RYR3: variants seen among roughly 807,000 people sequenced by gnomAD.
RYR3 encodes the protein brain ryanodine receptor-calcium release channel.
RYR3 carries 207 observed loss-of-function variants against 584.3 expected under a neutral mutation model. That is an observed-to-expected ratio of 0.35 (90% CI 0.32 to 0.40). The LOEUF (loss-of-function observed/expected upper bound fraction) is 0.40, where lower values mean the gene tolerates loss of function less well. RYR3 is among the 10% of genes least tolerant of loss of function. The pLI is 1.00. For synonymous variants in RYR3, 2,416 were observed against 2,248.5 expected (o/e 1.07, Z -2.11); for missense variants, 5,616 against 6,089.2 (o/e 0.92, Z 2.59).
intron 1 of RYR3, among the ~76,000 whole-genome samples, chr15:33,322,325 C>G (rs147469032): frequency 6.6e-6 from 1 of 152,098 alleles, no homozygotes; most frequent in African/African-American, 2.4e-5. Flanking sequence ...AAAGCAAGAG[C>G]GAGCATGTCA....
intron 1 of RYR3, among the ~76,000 whole-genome samples, chr15:33,400,848 T>C (rs892264722): frequency 2.0e-5 from 3 of 152,194 alleles, no homozygotes; most frequent in Non-Finnish European, 2.9e-5. Context: ...TGAACCTTCT[T>C]TTATAAGTAT....
In RYR3 at chr15:33,865,752, G is replaced by C. The variant is rs377677287; in HGVS notation, c.*526G>C. On this transcript the variant is annotated 3_prime_UTR_variant, in exon 104 of 104. Transcript: ENST00000634891. ...AACAGAAAAAAACCGACACTTTGTC[G>C]ACACTGAAATATCGATTAAGTGCCT... 6.5e-6 allele frequency: 1 copy of C among 153,444 alleles called. No individual in the cohort carries two copies. Among genetic ancestry groups the C allele is most frequent in the Admixed American group, 6.5e-5 (1 of 15,440 alleles). 9.5% of individuals were successfully genotyped at this position (153,444 alleles called of 1,614,324 possible). A position where few individuals can be genotyped will look rare whatever the true frequency, so the allele number is the denominator to read the frequency against.
At chr15:33,646,074 C>T (rs1221358153) in intron 28 of RYR3, among the ~76,000 whole-genome samples, 1 of 152,168 alleles carries the variant, frequency 6.6e-6, no homozygotes, top group Non-Finnish European at 1.5e-5. Context: ...TCCCAGATGC[C>T]ACCCCCCTCT....
chr15:33,795,594 G>A (rs1214047368), intron 67 of RYR3, among the ~76,000 whole-genome samples: 9 of 151,794 alleles, frequency 5.9e-5, no homozygotes, highest in African/African-American at 1.9e-4. Flanking sequence ...GGGTTTCGCC[G>A]TGTTGGTCAG....
At chr15:33,343,746 G>T (rs986524249) in intron 1 of RYR3, among the ~76,000 whole-genome samples, 1 of 152,024 alleles carries the variant, frequency 6.6e-6, no homozygotes, top group South Asian at 2.1e-4. Context: ...CAATTTTTCC[G>T]ATGAGTCAAG....
Position 33,336,525 on chromosome 15 carries a change from G to A in RYR3, c.51+25429G>A, listed in dbSNP as rs1477634937. The stretch of plus-strand genomic sequence containing the variant: ...AAGAAGGAGGGAAGGAGGGAAGGAG[G>A]GAAGGAGGGAAGGAGGGAAGGAGGG... On this transcript the variant is annotated intron_variant, in intron 1 of 103. Coordinates refer to ENST00000634891, the MANE Select transcript of RYR3 (RefSeq NM_001036.6). Among the ~76,000 whole-genome samples the A allele has an allele frequency of 1.2e-4, 11 of 88,558 alleles. 1 individual carries two copies. Among genetic ancestry groups the A allele is most frequent in the African/African-American group, 5.6e-4 (11 of 19,508 alleles). The allele number at this position is 88,558 out of a possible 152,430, so 58.1% of individuals were successfully genotyped here.
Position 33,696,392 on chromosome 15 carries a change from G to T in RYR3, c.6035G>T (p.Ser2012Ile). The change falls in exon 39 of 104, where the codon AGC becomes ATC. Residue 2012 changes from serine to isoleucine, a missense_variant. By Grantham distance (142) the Ser-to-Ile change is moderately radical (BLOSUM62 -2). Around this residue, in one of 9 missense-constraint regions of RYR3, gnomAD observed 1,280 missense variants for 1,426.2 expected, o/e 0.90. Coordinates refer to ENST00000634891, the MANE Select transcript of RYR3 (RefSeq NM_001036.6). ...TACACCATCAGCCACACCTCTGTAA[G>T]CGACACCATCAACCTGCTGGCTGCC... is the stretch of plus-strand genomic sequence containing the variant. Reference protein sequence around the residue: ...KTYTISHTSVSDTINLLAALG... With the variant: ...KTYTISHTSVIDTINLLAALG... 1.2e-6 allele frequency: 2 copies of T among 1,613,952 alleles called. No homozygotes were observed. The highest frequency in any genetic ancestry group is 1.7e-6 in the Non-Finnish European group (2 of 1,179,892).
At chr15:33,862,615 G>A (rs1249290227) in intron 102 of RYR3, among the ~76,000 whole-genome samples, 1 of 152,110 alleles carries the variant, frequency 6.6e-6, no homozygotes, top group Non-Finnish European at 1.5e-5. Flanking sequence ...AAAAACATGA[G>A]TTTTGTTTTT....
intron 1 of RYR3, among the ~76,000 whole-genome samples, chr15:33,425,497 A>G (rs1179344904): frequency 6.6e-6 from 1 of 152,212 alleles, no homozygotes; most frequent in African/African-American, 2.4e-5. Context: ...TGCTGTTTGC[A>G]AAGGATTCAA....
At chr15:33,598,312 C>A (rs2152545345) in intron 16 of RYR3, among the ~76,000 whole-genome samples, 1 of 147,048 alleles carries the variant, frequency 6.8e-6, no homozygotes, top group African/African-American at 2.5e-5. Context: ...AACATGAAGA[C>A]CTTTCAAATA....
chr15:33,763,786 G>C (rs2072725400), intron 60 of RYR3, among the ~76,000 whole-genome samples: 1 of 150,748 alleles, frequency 6.6e-6, no homozygotes, highest in South Asian at 2.1e-4. Flanking sequence ...CCAGCTTCTT[G>C]GGAGGCTGAA....
intron 3 of RYR3, among the ~76,000 whole-genome samples, chr15:33,506,183 A>C (rs2052470758): frequency 6.6e-6 from 1 of 152,194 alleles, no homozygotes; most frequent in African/African-American, 2.4e-5. Context: ...TTCCAAGTAG[A>C]ATGGAGGGAC....
intron 3 of RYR3, among the ~76,000 whole-genome samples, chr15:33,520,867 CTGTT>C (rs1343981324): frequency 6.6e-6 from 1 of 152,180 alleles, no homozygotes; most frequent in Non-Finnish European, 1.5e-5. Flanking sequence ...GCTCATCTGT[CTGTT>C]TGAGAAGCAG....
At chr15:33,644,551 G>C in intron 28 of RYR3, 32 bp downstream of exon 28, 1 of 1,558,004 alleles carries the variant, frequency 6.4e-7, no homozygotes, top group East Asian at 2.3e-5. Context: ...GGCCCTGGCA[G>C]GTCAGGTGGG....
chr15:33,459,816 G>T (rs2047865082), intron 1 of RYR3, among the ~76,000 whole-genome samples: 1 of 152,154 alleles, frequency 6.6e-6, no homozygotes, highest in Non-Finnish European at 1.5e-5. Flanking sequence ...CAGTTCTAGG[G>T]AGGGGAAAGC....
chr15:33,533,041 C>G (rs1449231498), intron 4 of RYR3, among the ~76,000 whole-genome samples: 1 of 152,162 alleles, frequency 6.6e-6, no homozygotes, highest in African/African-American at 2.4e-5. Context: ...TGCTTGAGCC[C>G]AGGAGTCTGA....
chr15:33,781,846 CAA>C (rs60586570), intron 65 of RYR3, among the ~76,000 whole-genome samples: 28,124 of 126,064 alleles, frequency 0.22, 2,952 homozygotes, highest in South Asian at 0.27. Context: ...TTGAAATTAG[CAA>C]AAAAAAAAAA....
intron 48 of RYR3, 44 bp from the exon 49 acceptor site, chr15:33,736,191 A>G (rs942440313): frequency 1.7e-5 from 21 of 1,258,528 alleles, no homozygotes; most frequent in East Asian, 4.7e-5. Flanking sequence ...CTTTATTATT[A>G]TGTTTTCATT....
intron 1 of RYR3, among the ~76,000 whole-genome samples, chr15:33,466,902 C>G (rs1338591519): frequency 6.6e-6 from 1 of 152,164 alleles, no homozygotes; most frequent in Non-Finnish European, 1.5e-5. Context: ...CCCTAAAGAT[C>G]TTAGAATTGA....
Sources: allele counts gnomAD v4.1 joint callset (sites outside exome capture counted in the v4.1 genomes callset), GRCh38; gene constraint gnomAD v4.1.1; regional missense constraint gnomAD v4.1.1; transcripts MANE v1.5; gene names NCBI Gene and HGNC (gene_info 2026-07-23, HGNC 2026-07-21).